HAL: variants seen among roughly 807,000 people sequenced by gnomAD.
HAL encodes the protein histidine ammonia-lyase, also known as histidase.
Under a neutral mutation model 81.1 loss-of-function variants are expected in HAL, and 85 were observed. That is an observed-to-expected ratio of 1.05 (90% CI 0.88 to 1.25). The LOEUF (loss-of-function observed/expected upper bound fraction) is 1.25, where lower values mean the gene tolerates loss of function less well. Ranked by LOEUF, HAL falls within the 50% of genes most tolerant of loss-of-function variation. The pLI, the probability that HAL is intolerant of heterozygous loss-of-function variation, is 0.00. For missense variants in HAL, 798 were observed against 836.6 expected (o/e 0.95, Z 0.57); for synonymous variants, 301 against 309.2 (o/e 0.97, Z 0.28).
intron 2 of HAL, 44 bp downstream of exon 2, chr12:95,995,620 G>A: frequency 6.2e-7 from 1 of 1,609,746 alleles, no homozygotes; most frequent in Non-Finnish European, 8.5e-7. Context: ...GACTAAGCCA[G>A]GCCAAACCGC....
intron 18 of HAL, among the ~76,000 whole-genome samples, chr12:95,977,003 G>A (rs2136788556): frequency 6.6e-6 from 1 of 152,296 alleles, no homozygotes; most frequent in South Asian, 2.1e-4. Flanking sequence ...AATCTGCCAT[G>A]TCCCCCATTC....
chr12:95,989,037 T>C (rs1186025137), intron 10 of HAL, among the ~76,000 whole-genome samples: 1 of 152,136 alleles, frequency 6.6e-6, no homozygotes, highest in East Asian at 1.9e-4. Context: ...ATCTGAGTAA[T>C]AGTACATTCA....
chr12:95,975,329 C>T (rs949733851), intron 20 of HAL, among the ~76,000 whole-genome samples: 3 of 151,420 alleles, frequency 2.0e-5, no homozygotes, highest in African/African-American at 4.9e-5. Context: ...TTGCCTCCCA[C>T]CCACCAACCT....
intron 18 of HAL, 140 bp downstream of exon 18, chr12:95,977,804 G>T: frequency 1.2e-6 from 1 of 845,870 alleles, no homozygotes; most frequent in Non-Finnish European, 2.0e-6. Flanking sequence ...GAATTAGCCA[G>T]CCTGCAAGGA....
At chr12:95,990,195 G>T (rs1223198050) in intron 10 of HAL, 198 bp downstream of exon 10, 1 of 640,606 alleles carries the variant, frequency 1.6e-6, no homozygotes, top group South Asian at 1.7e-5. Context: ...AACCCAGAAG[G>T]CTGACAGCCG....
intron 8 of HAL, among the ~76,000 whole-genome samples, chr12:95,993,009 GT>G (rs1949991122): frequency 6.6e-6 from 1 of 152,108 alleles, no homozygotes; most frequent in African/African-American, 2.4e-5. Flanking sequence ...TAAGACCCCA[GT>G]TTTGCCTTCT....
intron 12 of HAL, among the ~76,000 whole-genome samples, 175 bp from the exon 13 acceptor site, chr12:95,986,335 G>A (rs1302798907): frequency 1.3e-5 from 2 of 152,050 alleles, no homozygotes; most frequent in African/African-American, 4.8e-5. Context: ...GCCAGGTCGA[G>A]TAATTCTGAT....
chr12:95,994,944 T>G lies in HAL; in HGVS notation c.297A>C (p.Glu99Asp). The G allele has an allele frequency of 6.2e-7, 1 of 1,612,508 alleles. No homozygotes were observed. The highest frequency in any genetic ancestry group is 8.5e-7 in the Non-Finnish European group (1 of 1,178,546). The stretch of plus-strand genomic sequence containing the variant: ...GTGGGAAAGGATACAGATAAACTCC[T>G]TCTGGTTGAGATGGAATGAAGTCAG... ...MSPDFIPSQP[E>D]GVYLYSKYRE... Residue 99 changes from glutamate to aspartate, a missense_variant, in exon 3 of 21, where the codon GAA becomes GAC. Transcript: ENST00000261208.
In HAL at chr12:95,980,873, G is replaced by C; in HGVS notation, c.1288-10C>G. 2 of 1,518,386 alleles carry C rather than the reference G, an allele frequency of 1.3e-6. No individual in the cohort carries two copies. Among genetic ancestry groups the C allele is most frequent in the Non-Finnish European group, 1.8e-6 (2 of 1,093,760 alleles). 94.1% of individuals were successfully genotyped at this position (1,518,386 alleles called of 1,614,324 possible). The stretch of plus-strand genomic sequence containing the variant: ...TATTGGCAAAGACCATCTTTCAAAA[G>C]AGGTTAAGGCTTGAAGATAATGTTT... On this transcript the variant is annotated splice_polypyrimidine_tract_variant and intron_variant, in intron 15 of 20. Transcript: ENST00000261208.
intron 12 of HAL, 121 bp downstream of exon 12, chr12:95,986,946 A>G (rs1949896436): frequency 7.2e-6 from 6 of 834,034 alleles, no homozygotes; most frequent in South Asian, 6.8e-5. Flanking sequence ...CGCCACAGGC[A>G]CTTGGGTTTT....
At position 95,977,929 on chromosome 12, in the gene HAL, A is replaced by T; in HGVS notation, c.1654+15T>A. On this transcript the variant is annotated intron_variant, in intron 18 of 20. Coordinates refer to ENST00000261208, the MANE Select transcript of HAL (RefSeq NM_002108.4). ...CTATCAGGCAGGCCCGCCACCCCGA[A>T]CTCATCAGCATTACCTTGCTCCACA... 1 of 1,613,772 alleles carries T rather than the reference A, an allele frequency of 6.2e-7. No individual in the cohort carries two copies. Among genetic ancestry groups the T allele is most frequent in the Non-Finnish European group, 8.5e-7 (1 of 1,179,844 alleles).
At chr12:95,995,600 A>G in intron 2 of HAL, 64 bp downstream of exon 2, 5 of 1,603,888 alleles carry the variant, frequency 3.1e-6, no homozygotes, top group East Asian at 2.2e-5. Flanking sequence ...TGGGGGTTCA[A>G]TGCTGCAAAG....
chr12:95,995,784 C>A lies in HAL; in HGVS notation c.127G>T (p.Gly43Cys). The A allele has an allele frequency of 6.2e-7, 1 of 1,613,628 alleles. No individual in the cohort carries two copies. The highest frequency in any genetic ancestry group is 1.1e-5 in the South Asian group (1 of 91,092). The change falls in exon 2 of 21, where the codon GGT becomes TGT. Residue 43 changes from glycine (G) to cysteine (C), a missense_variant. Physicochemically the swap from Gly to Cys is radical, Grantham distance 159 (BLOSUM62 -3). Transcript: ENST00000261208. The stretch of plus-strand genomic sequence containing the variant: ...GCGTCATCCACGGAGGTGAAGCCAC[C>A]ATTGTCGGGCTTATTCTTGATATAG... ...RRYIKNKPDN[G>C]GFTSVDDAHF...
intron 14 of HAL, among the ~76,000 whole-genome samples, chr12:95,984,918 G>C (rs533067361): frequency 1.1e-4 from 16 of 152,252 alleles, no homozygotes; most frequent in Admixed American, 3.9e-4. Flanking sequence ...ATTCTAGGGA[G>C]GACTCTCTAT....
chr12:95,979,433 C>T (rs755268899), intron 17 of HAL, among the ~76,000 whole-genome samples: 1 of 152,114 alleles, frequency 6.6e-6, no homozygotes, highest in Non-Finnish European at 1.5e-5. Context: ...ATCCTCCAAA[C>T]AACCCCCTTA....
intron 9 of HAL, 124 bp from the exon 10 acceptor site, chr12:95,990,656 T>C (rs1949957790): frequency 2.5e-6 from 2 of 788,920 alleles, no homozygotes; most frequent in African/African-American, 1.7e-5. Flanking sequence ...CTTTATGGCA[T>C]AGATACCTGG....
rs1378612263 is a variant in HAL, at chr12:95,995,686, C to A, written c.225G>T (p.Glu75Asp). Residue 75 changes from glutamate to aspartate, a missense_variant, in exon 2 of 21, where the codon GAG becomes GAT. Glu to Asp is a conservative substitution (Grantham distance 45). Coordinates refer to ENST00000261208, the MANE Select transcript of HAL (RefSeq NM_002108.4). ...CACCCACTTCCACGAACTCGTTGTT[C>A]TCTAGGGCCACCTCGAGCCGGTCCT... Reference protein sequence around the residue: ...DNEDRLEVALENNEFVEVVIE... With the variant: ...DNEDRLEVALDNNEFVEVVIE... 3 of 1,613,576 alleles carry A rather than the reference C, an allele frequency of 1.9e-6. No individual in the cohort carries two copies. Among genetic ancestry groups the A allele is most frequent in the Admixed American group, 1.7e-5 (1 of 60,036 alleles).
chr12:95,992,032 G>A (rs1472683009), intron 9 of HAL, among the ~76,000 whole-genome samples: 1 of 152,156 alleles, frequency 6.6e-6, no homozygotes, highest in Non-Finnish European at 1.5e-5. Flanking sequence ...AGTCTCCACT[G>A]ACCTAGAAGG....
intron 20 of HAL, among the ~76,000 whole-genome samples, chr12:95,974,921 G>A (rs887037288): frequency 2.6e-5 from 4 of 152,030 alleles, no homozygotes; most frequent in Non-Finnish European, 2.9e-5. Flanking sequence ...TGTATTTTTA[G>A]CAGAGATGGG....
Sources: allele counts gnomAD v4.1 joint callset (sites outside exome capture counted in the v4.1 genomes callset), GRCh38; gene constraint gnomAD v4.1.1; transcripts MANE v1.5; gene names NCBI Gene and HGNC (gene_info 2026-07-23, HGNC 2026-07-21).